FAM133B: variants seen among roughly 807,000 people sequenced by gnomAD.
The protein encoded by FAM133B is family with sequence similarity 133 member B.
In FAM133B, 25 loss-of-function variants were observed where a neutral mutation model predicts 46.4. The observed-to-expected ratio is 0.54, with a 90% CI of 0.39 to 0.75. FAM133B has a LOEUF of 0.75. FAM133B is among the 30% of genes least tolerant of loss of function. The pLI is 0.00. For missense variants in FAM133B, 205 were observed against 277.6 expected, an observed-to-expected ratio of 0.74 and a Z score of 1.86; for synonymous variants, 75 against 86.0, an observed-to-expected ratio of 0.87 and a Z score of 0.71.
chr7:92,585,163 T>G (rs2116423606), intron 1 of FAM133B: 1 of 165,124 alleles, frequency 6.1e-6, no homozygotes, highest in Non-Finnish European at 1.3e-5. Context: ...GGCTGCCAAA[T>G]TATGCCCAAA....
chr7:92,590,360 G>A lies in FAM133B; in HGVS notation c.-69C>T, dbSNP rs1353199816. The A allele has an allele frequency of 4.4e-6, 7 of 1,608,174 alleles. No homozygotes were observed. In the East Asian group the frequency reaches 9.0e-5, roughly 21 times the overall value. ...CCGGAGAGACTGCCGAAGAGGGCCT[G>A]CCGCAGGTCCTCTTGCCGCCTCCCC... is the stretch of plus-strand genomic sequence containing the variant. On this transcript the variant is annotated 5_prime_UTR_variant, in exon 1 of 11. Coordinates refer to ENST00000445716, the MANE Select transcript of FAM133B (RefSeq NM_152789.4).
At chr7:92,566,157 T>A in intron 9 of FAM133B, 96 bp from the exon 10 acceptor site, 1 of 1,146,290 alleles carries the variant, frequency 8.7e-7, no homozygotes. Flanking sequence ...TCTTCAAAAT[T>A]TAAATGTAAA....
At chr7:92,570,904 A>G (rs1411128848) in intron 8 of FAM133B, among the ~76,000 whole-genome samples, 1 of 152,138 alleles carries the variant, frequency 6.6e-6, no homozygotes, top group Non-Finnish European at 1.5e-5. Context: ...ATTTTTGGAA[A>G]CATCTTTCTA....
At chr7:92,574,992 T>TTTTC (rs200651757) in intron 8 of FAM133B, among the ~76,000 whole-genome samples, 1,895 of 152,262 alleles carry the variant, frequency 0.012, 33 homozygotes, top group African/African-American at 0.043. Flanking sequence ...CTCTTTAGGT[T>TTTTC]TTTATTTTTA....
At chr7:92,580,377 G>A (rs1794832506) in intron 2 of FAM133B, among the ~76,000 whole-genome samples, 1 of 152,144 alleles carries the variant, frequency 6.6e-6, no homozygotes, top group Non-Finnish European at 1.5e-5. Flanking sequence ...CTGTAGGCAT[G>A]AGCAACCATG....
At chr7:92,579,758 G>T (rs1374166939) in intron 2 of FAM133B, among the ~76,000 whole-genome samples, 2 of 152,192 alleles carry the variant, frequency 1.3e-5, no homozygotes, top group Non-Finnish European at 2.9e-5. Context: ...GAGAAGGTAA[G>T]AAATCCACCT....
chr7:92,573,044 C>T lies in FAM133B; in HGVS notation c.516+2727G>A, dbSNP rs111716140. Reference sequence around the variant, plus strand: ...TAACTAATTAAAAAAAAAAGAAACTCAATATTCTGTTATTTATGAACACAT... The same window carrying T: ...TAACTAATTAAAAAAAAAAGAAACTTAATATTCTGTTATTTATGAACACAT... On this transcript the variant is annotated intron_variant, in intron 8 of 10. Transcript: ENST00000445716. 6.3e-3 allele frequency among the ~76,000 whole-genome samples: 956 copies of T among 150,604 alleles called. 8 individuals carry two copies. The highest frequency in any genetic ancestry group is 0.045 in the Middle Eastern group (13 of 290).
Position 92,561,017 on chromosome 7 carries a change from A to G in FAM133B, c.*1265T>C, listed in dbSNP as rs992355081. On this transcript the variant is annotated 3_prime_UTR_variant, in exon 11 of 11. Transcript: ENST00000445716. The stretch of plus-strand genomic sequence containing the variant: ...AGACATGAGGCACAAAATCTTAGTA[A>G]AATATGACACAGGGAGAGCAATAAT... 3 of 152,684 alleles carry G rather than the reference A, an allele frequency of 2.0e-5. No homozygotes were observed. Among genetic ancestry groups the G allele is most frequent in the Non-Finnish European group, 4.4e-5 (3 of 68,042 alleles). 9.5% of individuals were successfully genotyped at this position (152,684 alleles called of 1,614,324 possible).
rs1166954607 is a variant in FAM133B at position 92,566,015 on chromosome 7, G to A, written c.656C>T (p.Thr219Ile). ...GTAAAAACGTTAAGAGATACTTGCT[G>A]TTGCTTTTTCTCGTTCTTCACTGCT... ...KKSSEEREKA[T>I]EKTKKKKKHK... is the part of the protein sequence containing the mutation. Residue 219 changes from threonine to isoleucine, a missense_variant and splice_region_variant, in exon 10 of 11, where the codon ACA (threonine) becomes ATA (isoleucine). Coordinates refer to ENST00000445716, the MANE Select transcript of FAM133B (RefSeq NM_152789.4). The A allele has an allele frequency of 6.8e-6, 11 of 1,613,628 alleles. No individual in the cohort carries two copies. The highest frequency in any genetic ancestry group is 9.3e-6 in the Non-Finnish European group (11 of 1,179,838).
At position 92,561,600 on chromosome 7, in the gene FAM133B, CTG is replaced by C. The variant is rs1240451804; in HGVS notation, c.*680_*681del. 6.6e-6 allele frequency: 1 copy of C among 150,644 alleles called. No individual in the cohort carries two copies. Among genetic ancestry groups the C allele is most frequent in the African/African-American group, 2.5e-5 (1 of 40,648 alleles). 9.3% of individuals were successfully genotyped at this position (150,644 alleles called of 1,614,324 possible). Reference sequence around the variant, plus strand: ...TGGGGCTTTCTCATGCTGCAAATGGCTGTTTCTCTGGTTCACTCAAAGCAGCA... The same window carrying C: ...TGGGGCTTTCTCATGCTGCAAATGGCTTTCTCTGGTTCACTCAAAGCAGCA... On this transcript the variant is annotated 3_prime_UTR_variant, in exon 11 of 11. Coordinates refer to ENST00000445716, the MANE Select transcript of FAM133B (RefSeq NM_152789.4).
intron 7 of FAM133B, among the ~76,000 whole-genome samples, chr7:92,576,140 T>C (rs949804152): frequency 9.2e-5 from 14 of 152,196 alleles, no homozygotes; most frequent in African/African-American, 3.1e-4. Flanking sequence ...GTACTGGAGT[T>C]GTATTCTAAT....
intron 1 of FAM133B, chr7:92,581,845 T>G (rs953822133): frequency 1.2e-5 from 5 of 401,994 alleles, no homozygotes; most frequent in Non-Finnish European, 2.3e-5. Context: ...TTACAAGAGA[T>G]TTGATGAAAT....
At chr7:92,585,334 TGTTTTC>T (rs1795009508) in intron 1 of FAM133B, 2 of 981,250 alleles carry the variant, frequency 2.0e-6, no homozygotes, top group South Asian at 4.7e-5. Flanking sequence ...TTTTTGTTTT[TGTTTTC>T]AACAATATTG....
At chr7:92,579,431 A>C (rs750154797) in intron 2 of FAM133B, 36 bp from the exon 3 acceptor site, 106 of 1,463,170 alleles carry the variant, frequency 7.2e-5, no homozygotes, top group Non-Finnish European at 9.0e-5. Flanking sequence ...AATTTCAAGC[A>C]ATTCAAATTA....
chr7:92,581,290 A>G (rs1157999632), intron 2 of FAM133B, among the ~76,000 whole-genome samples: 1 of 152,272 alleles, frequency 6.6e-6, no homozygotes, highest in Non-Finnish European at 1.5e-5. Flanking sequence ...GTTACCTGGC[A>G]GTGCTTTGGC....
intron 1 of FAM133B, 115 bp from the exon 2 acceptor site, chr7:92,581,718 C>T: frequency 1.4e-6 from 1 of 735,026 alleles, no homozygotes; most frequent in Non-Finnish European, 2.3e-6. Context: ...TAAGTATATG[C>T]AATCTGACTA....
chr7:92,575,175 T>C (rs1472307485), intron 8 of FAM133B, among the ~76,000 whole-genome samples: 1 of 152,172 alleles, frequency 6.6e-6, no homozygotes, highest in African/African-American at 2.4e-5. Flanking sequence ...TAATGTTCTT[T>C]AATTGGAAGG....
intron 2 of FAM133B, among the ~76,000 whole-genome samples, chr7:92,580,708 G>A (rs761133481): frequency 6.6e-6 from 1 of 152,144 alleles, no homozygotes; most frequent in Admixed American, 6.5e-5. Context: ...GTCCCTACGA[G>A]TTACTCAACC....
chr7:92,563,360 C>CT (rs1794217573), intron 10 of FAM133B, among the ~76,000 whole-genome samples: 1 of 152,148 alleles, frequency 6.6e-6, no homozygotes, highest in African/African-American at 2.4e-5. Context: ...GCTTTTAAAA[C>CT]TAAGTTTTGG....
Sources: allele counts gnomAD v4.1 joint callset (sites outside exome capture counted in the v4.1 genomes callset), GRCh38; gene constraint gnomAD v4.1.1; transcripts MANE v1.5; gene names NCBI Gene and HGNC (gene_info 2026-07-23, HGNC 2026-07-21).